The following GPD2 variants were observed in gnomAD, a reference collection of about 807,000 sequenced individuals.
The protein encoded by GPD2 is glycerol-3-phosphate dehydrogenase, mitochondrial.
In GPD2, 54 loss-of-function variants were observed where a neutral mutation model predicts 82.4. That is an observed-to-expected ratio of 0.66 (90% CI 0.53 to 0.82). GPD2 has a LOEUF of 0.82. Among genes scored for constraint, GPD2 ranks in the 40% least tolerant of loss-of-function variants. The pLI, the probability that GPD2 is intolerant of heterozygous loss-of-function variation, is 0.00. For synonymous variants in GPD2, 288 were observed against 306.1 expected (o/e 0.94, Z 0.62); for missense variants, 748 against 896.2 (o/e 0.83, Z 2.11).
chr2:156,561,040 CTTTT>C (rs35948070), intron 9 of GPD2, among the ~76,000 whole-genome samples: 73 of 27,612 alleles, frequency 2.6e-3, no homozygotes, highest in African/African-American at 7.3e-3. Context: ...TGACATTAAG[CTTTT>C]TTTTTTTTTT....
At chr2:156,401,324 T>G in the GPD2 span, among the ~76,000 whole-genome samples, 1 of 152,246 alleles carries the variant, frequency 6.6e-6, no homozygotes, top group African/African-American at 2.4e-5. Flanking sequence ...AGCAATTAAA[T>G]TTTTAATCAC....
intron 6 of GPD2, among the ~76,000 whole-genome samples, chr2:156,540,465 C>T (rs528841623): frequency 8.5e-5 from 13 of 152,288 alleles, no homozygotes; most frequent in Admixed American, 3.3e-4. Flanking sequence ...GGGGTTTAGA[C>T]GCTAGTAAGC....
intron 1 of GPD2, among the ~76,000 whole-genome samples, chr2:156,474,240 A>G (rs1035876228): frequency 9.2e-5 from 14 of 152,212 alleles, no homozygotes; most frequent in African/African-American, 2.9e-4. Context: ...ACATATCAGT[A>G]TATAATTTAT....
chr2:156,558,765 C>CTTTTTTTTTTTTT lies in GPD2; in HGVS notation c.1165+1202_1165+1214dup, dbSNP rs34524248. 2.4e-4 allele frequency among the ~76,000 whole-genome samples: 10 copies of CTTTTTTTTTTTTT among 40,882 alleles called. 1 individual carries two copies. The highest frequency in any genetic ancestry group is 7.7e-4 in the Admixed American group (2 of 2,600). The allele number at this position is 40,882 out of a possible 152,430, so 26.8% of individuals were successfully genotyped here. A position where few individuals can be genotyped will look rare whatever the true frequency, so the allele number is the denominator to read the frequency against. On this transcript the variant is annotated intron_variant, in intron 9 of 16. Coordinates refer to ENST00000438166, the MANE Select transcript of GPD2 (RefSeq NM_000408.5). ...GGTGCCCACCACCACGCCCAGCTAA[C>CTTTTTTTTTTTTT]TTTTTTTTTTTTTTTTTTTTTTTTT...
At chr2:156,462,733 GA>G (rs140012507) in intron 1 of GPD2, among the ~76,000 whole-genome samples, 1,964 of 152,280 alleles carry the variant, frequency 0.013, 35 homozygotes, top group African/African-American at 0.045. Flanking sequence ...AAAGATCCCT[GA>G]AGAGTTAGAG....
intron 10 of GPD2, 125 bp from the exon 11 acceptor site, chr2:156,569,238 T>C (rs540589792): frequency 1.4e-6 from 1 of 740,206 alleles, no homozygotes; most frequent in Admixed American, 2.1e-5. Flanking sequence ...TGAATTAAGT[T>C]TTACACAATC....
rs1044587707 is a variant in GPD2 at position 156,569,090 on chromosome 2, A to G, written c.1300+131A>G. 4 of 787,380 alleles carry G rather than the reference A, an allele frequency of 5.1e-6. No homozygotes were observed. In the African/African-American group the frequency reaches 5.3e-5, roughly 10 times the overall value. 48.8% of individuals were successfully genotyped at this position (787,380 alleles called of 1,614,324 possible). On this transcript the variant is annotated intron_variant, in intron 10 of 16. Coordinates refer to ENST00000438166, the MANE Select transcript of GPD2 (RefSeq NM_000408.5). The stretch of plus-strand genomic sequence containing the variant: ...GTGATTCTCCCACCTCAGCCTCCCA[A>G]AGTGTTGGGATTACAGGCATGAGCC...
At chr2:156,501,494 A>G (rs1684583029) in intron 3 of GPD2, among the ~76,000 whole-genome samples, 1 of 152,172 alleles carries the variant, frequency 6.6e-6, no homozygotes, top group Non-Finnish European at 1.5e-5. Context: ...ATGGAGGATA[A>G]TAATAACATT....
chr2:156,468,647 T>C (rs1683224065), intron 1 of GPD2, among the ~76,000 whole-genome samples: 1 of 152,232 alleles, frequency 6.6e-6, no homozygotes, highest in African/African-American at 2.4e-5. Flanking sequence ...TTTCTCAGTG[T>C]AGGTGATTGG....
chr2:156,500,066 A>G (rs1415111222), intron 3 of GPD2, among the ~76,000 whole-genome samples: 1 of 152,134 alleles, frequency 6.6e-6, no homozygotes, highest in African/African-American at 2.4e-5. Context: ...ACAATTTTGA[A>G]TAGTTAAGAG....
intron 6 of GPD2, among the ~76,000 whole-genome samples, chr2:156,535,540 G>A (rs1386913689): frequency 1.3e-5 from 2 of 151,834 alleles, no homozygotes; most frequent in African/African-American, 4.8e-5. Flanking sequence ...GACAACTCCA[G>A]CATCTACTAC....
At chr2:156,532,484 C>G (rs1685905719) in intron 6 of GPD2, among the ~76,000 whole-genome samples, 1 of 152,126 alleles carries the variant, frequency 6.6e-6, no homozygotes, top group Non-Finnish European at 1.5e-5. Context: ...TAAGGAGGTA[C>G]TTTTTCCTTG....
At chr2:156,553,098 A>G (rs938498379) in intron 8 of GPD2, among the ~76,000 whole-genome samples, 1 of 151,938 alleles carries the variant, frequency 6.6e-6, no homozygotes, top group African/African-American at 2.4e-5. Flanking sequence ...CATGTTGGCC[A>G]GGCTGGTATC....
At chr2:156,530,744 T>C (rs891744675) in intron 6 of GPD2, among the ~76,000 whole-genome samples, 3 of 152,168 alleles carry the variant, frequency 2.0e-5, no homozygotes, top group Non-Finnish European at 2.9e-5. Context: ...TATTGATTTG[T>C]GTATATTGAA....
chr2:156,481,439 A>G (rs1193298887), intron 2 of GPD2, among the ~76,000 whole-genome samples: 1 of 151,430 alleles, frequency 6.6e-6, no homozygotes, highest in Admixed American at 6.6e-5. Flanking sequence ...GTATTAACCA[A>G]CCTCTCCCTG....
At chr2:156,435,237 A>T (rs922672697), upstream of GPD2, 11 of 152,224 alleles carry the variant, frequency 7.2e-5, no homozygotes, top group African/African-American at 2.7e-4. Context: ...TTCTTTTGGA[A>T]AGGCATTTCC....
At chr2:156,452,406 C>G (rs1682640531) in intron 1 of GPD2, among the ~76,000 whole-genome samples, 1 of 152,270 alleles carries the variant, frequency 6.6e-6, no homozygotes, top group Admixed American at 6.5e-5. Context: ...ATACAAAAAC[C>G]AGTCAGGCGC....
chr2:156,433,363 T>C (rs1267187477), upstream of GPD2, among the ~76,000 whole-genome samples: 1 of 152,184 alleles, frequency 6.6e-6, no homozygotes, highest in Admixed American at 6.5e-5. Flanking sequence ...TTGCAGACCC[T>C]GCACTTGACG....
chr2:156,580,628 T>C (rs984744113), intron 16 of GPD2, among the ~76,000 whole-genome samples: 1 of 152,162 alleles, frequency 6.6e-6, no homozygotes, highest in Non-Finnish European at 1.5e-5. Flanking sequence ...GAACATGAAA[T>C]AAATTAATGC....
Sources: gnomAD v4.1 joint callset for allele counts (sites outside exome capture counted in the v4.1 genomes callset) on GRCh38, gnomAD v4.1.1 for gene constraint, MANE v1.5 for transcripts, NCBI Gene and HGNC (gene_info 2026-07-23, HGNC 2026-07-21) for gene names.